Variants in ANK2 observed in about 807,000 individuals in gnomAD.
ANK2 encodes the protein ankyrin 2.
In ANK2, 83 loss-of-function variants were observed where a neutral mutation model predicts 360.5. The observed-to-expected ratio is 0.23, with a 90% CI of 0.19 to 0.28. The LOEUF is 0.28. ANK2 is among the 10% of genes least tolerant of loss of function. The pLI is 1.00. For missense variants in ANK2, 4,201 were observed against 4,795.7 expected (o/e 0.88, Z 3.66); for synonymous variants, 1,740 against 1,759.5 (o/e 0.99, Z 0.28).
intron 26 of ANK2, 116 bp from the exon 27 acceptor site, chr4:113,330,130 A>G (rs2153919437): frequency 9.8e-7 from 1 of 1,015,784 alleles, no homozygotes; most frequent in Non-Finnish European, 1.5e-6. Context: ...ACCACCATGC[A>G]TTTAAATAAA....
chr4:113,301,799 G>A (rs886732436), intron 22 of ANK2, among the ~76,000 whole-genome samples: 1 of 152,096 alleles, frequency 6.6e-6, no homozygotes, highest in Non-Finnish European at 1.5e-5. Flanking sequence ...GTCTAAAATA[G>A]TGCCAAGCAT....
rs541149394 is a variant in ANK2, at chr4:113,119,968, T to C, written c.85-54448T>C. On this transcript the variant is annotated intron_variant, in intron 1 of 45. Transcript: ENST00000357077. The stretch of plus-strand genomic sequence containing the variant: ...TAATTATTTGTAAACTTGAAACATG[T>C]TGCATACTTGACTATAACCCCTCTA... Among the ~76,000 whole-genome samples, 3 of 152,276 alleles carry C rather than the reference T, an allele frequency of 2.0e-5. No individual in the cohort carries two copies. The South Asian group carries it at 6.2e-4, about 32-fold the overall frequency.
At chr4:112,811,785 G>A in the ANK2 span, among the ~76,000 whole-genome samples, 1 of 152,000 alleles carries the variant, frequency 6.6e-6, no homozygotes, top group East Asian at 1.9e-4. Context: ...TTAGAGCTAT[G>A]TGTTACTCCG....
chr4:112,943,739 A>G (rs1310726671), intron 2 of ANK2, among the ~76,000 whole-genome samples: 1 of 152,112 alleles, frequency 6.6e-6, no homozygotes, highest in Non-Finnish European at 1.5e-5. Flanking sequence ...AATAATAGTA[A>G]AATCGAGCCT....
At chr4:113,069,071 AAGAAG>A (rs1260570044) in intron 1 of ANK2, among the ~76,000 whole-genome samples, 1 of 150,864 alleles carries the variant, frequency 6.6e-6, no homozygotes, top group African/African-American at 2.5e-5. Flanking sequence ...AAGAAAAGAA[AAGAAG>A]AGAAAAGAAA....
chr4:112,823,687 G>A (rs551162629), intron 1 of ANK2, among the ~76,000 whole-genome samples: 31 of 152,188 alleles, frequency 2.0e-4, no homozygotes, highest in African/African-American at 7.0e-4. Context: ...GAAAGCACAA[G>A]CAAATATCTC....
At position 113,078,244 on chromosome 4, in the gene ANK2, T is replaced by C. The variant is rs147256468; in HGVS notation, c.84+28432T>C. On this transcript the variant is annotated intron_variant, in intron 1 of 45. Transcript: ENST00000357077. ...GCTACTTTGTAATGTGATCTCAAAA[T>C]GGACTGTAAATGGATGGCCCAGTGG... 3.2e-4 allele frequency among the ~76,000 whole-genome samples: 48 copies of C among 152,304 alleles called. No homozygotes were observed. In the East Asian group the frequency reaches 9.1e-3, roughly 29 times the overall value.
intron 42 of ANK2, 148 bp downstream of exon 42, chr4:113,367,999 A>T: frequency 1.0e-6 from 1 of 979,716 alleles, no homozygotes; most frequent in Non-Finnish European, 1.5e-6. Context: ...GGAAAAAAAA[A>T]GCGTTAACAT....
rs1158891229 is a variant in ANK2 at position 113,358,011 on chromosome 4, T to G, written c.9393T>G (p.Phe3131Leu). The change falls in exon 38 of 46, where the codon TTT (phenylalanine) becomes TTG (leucine). Residue 3131 changes from phenylalanine to leucine, a missense_variant. This residue lies in a region of ANK2 where 2,642 missense variants were observed against 2,714.5 expected (regional missense o/e 0.97). Coordinates refer to ENST00000357077, the MANE Select transcript of ANK2 (RefSeq NM_001148.6). ...CCTATGCAGATGAAAGTTTTCACTTTTTCCAAATTGGTCAAGAATCCAGGG... is the reference window on the plus strand; with the variant it reads ...CCTATGCAGATGAAAGTTTTCACTTGTTCCAAATTGGTCAAGAATCCAGGG... ...KRSYADESFHFFQIGQESREE... is the reference protein window; with the variant it reads ...KRSYADESFHLFQIGQESREE... The G allele has an allele frequency of 6.2e-7, 1 of 1,614,042 alleles. No individual in the cohort carries two copies. The highest frequency in any genetic ancestry group is 1.7e-5 in the Admixed American group (1 of 60,014).
intron 1 of ANK2, among the ~76,000 whole-genome samples, chr4:113,083,284 G>A (rs1056204202): frequency 3.3e-5 from 5 of 152,022 alleles, no homozygotes; most frequent in African/African-American, 1.2e-4. Context: ...GCTCAAGTGA[G>A]TCTTCTGCCT....
At chr4:113,081,994 A>G (rs2082583454) in intron 1 of ANK2, among the ~76,000 whole-genome samples, 1 of 152,100 alleles carries the variant, frequency 6.6e-6, no homozygotes, top group African/African-American at 2.4e-5. Context: ...TTTTTAGTAG[A>G]GATGGGGTTT....
At chr4:112,952,513 C>T (rs1488052698) in intron 2 of ANK2, among the ~76,000 whole-genome samples, 1 of 152,124 alleles carries the variant, frequency 6.6e-6, no homozygotes, top group Non-Finnish European at 1.5e-5. Flanking sequence ...AGAGACCATT[C>T]TTTGAGCTCT....
At chr4:112,898,261 A>T (rs1046947054) in intron 1 of ANK2, among the ~76,000 whole-genome samples, 14 of 152,162 alleles carry the variant, frequency 9.2e-5, no homozygotes, top group Non-Finnish European at 2.1e-4. Context: ...TGAGATTTTT[A>T]AAGTTTTTAA....
Position 113,199,026 on chromosome 4 carries a change from C to T in ANK2, c.301C>T (p.Leu101Phe), listed in dbSNP as rs1325949260. ...TCCAAAACAGAAGGGAAATACCGCT[C>T]TTCACATTGCATCTTTGGCTGGACA... ...DSATKKGNTA[L>F]HIASLAGQAE... Residue 101 changes from leucine (L) to phenylalanine (F), a missense_variant, in exon 4 of 46, where the codon CTT (leucine) becomes TTT (phenylalanine). Transcript: ENST00000357077. 1 of 1,613,060 alleles carries T rather than the reference C, an allele frequency of 6.2e-7. No individual in the cohort carries two copies. Among genetic ancestry groups the T allele is most frequent in the Non-Finnish European group, 8.5e-7 (1 of 1,179,238 alleles).
intron 9 of ANK2, among the ~76,000 whole-genome samples, chr4:113,246,367 G>A (rs929469157): frequency 6.6e-6 from 1 of 152,066 alleles, no homozygotes; most frequent in African/African-American, 2.4e-5. Context: ...AATCATTGAG[G>A]CATTTTCCAT....
chr4:113,331,265 C>T (rs1588380242), intron 27 of ANK2, among the ~76,000 whole-genome samples: 1 of 152,260 alleles, frequency 6.6e-6, no homozygotes, highest in Admixed American at 6.5e-5. Context: ...TCCTAATAAT[C>T]GTGAACTCTT....
chr4:112,824,509 T>A (rs890137505), intron 1 of ANK2, among the ~76,000 whole-genome samples: 3 of 14,386 alleles, frequency 2.1e-4, no homozygotes, highest in African/African-American at 7.5e-4. Context: ...ACCTTTAGCA[T>A]TTTTTTTTTT....
intron 2 of ANK2, among the ~76,000 whole-genome samples, chr4:112,963,945 A>G (rs2036014117): frequency 6.6e-6 from 1 of 151,900 alleles, no homozygotes; most frequent in Non-Finnish European, 1.5e-5. Context: ...ATATAGTCAT[A>G]CATTATGTTA....
intron 2 of ANK2, among the ~76,000 whole-genome samples, chr4:113,016,565 A>G (rs906243922): frequency 6.6e-5 from 10 of 152,286 alleles, no homozygotes; most frequent in African/African-American, 1.9e-4. Context: ...GCATAGGGCT[A>G]AAAAGCTGAT....
Sources: allele counts gnomAD v4.1 joint callset (sites outside exome capture counted in the v4.1 genomes callset), GRCh38; gene constraint gnomAD v4.1.1; regional missense constraint gnomAD v4.1.1; transcripts MANE v1.5; gene names NCBI Gene and HGNC (gene_info 2026-07-23, HGNC 2026-07-21).